Variants in AK4 observed in about 807,000 individuals in gnomAD.
The protein encoded by AK4 is adenylate kinase 4.
AK4 carries 13 observed loss-of-function variants against 24.6 expected under a neutral mutation model. The observed-to-expected ratio is 0.53, with a 90% CI of 0.34 to 0.84. The LOEUF is 0.84. AK4 is among the 40% of genes least tolerant of loss of function. The pLI, the probability that AK4 is intolerant of heterozygous loss-of-function variation, is 0.01. For missense variants in AK4, 192 were observed against 288.2 expected, an observed-to-expected ratio of 0.67 and a Z score of 2.42; for synonymous variants, 88 against 107.0, an observed-to-expected ratio of 0.82 and a Z score of 1.10.
intron 1 of AK4, chr1:65,154,570 AT>A (rs1219917111): frequency 1.9e-6 from 1 of 519,152 alleles, no homozygotes; most frequent in African/African-American, 1.9e-5. Context: ...GCACTGTCTG[AT>A]CCAGAAATGT....
chr1:65,199,718 A>G (rs751485188), intron 2 of AK4, among the ~76,000 whole-genome samples: 3 of 152,208 alleles, frequency 2.0e-5, no homozygotes, highest in South Asian at 2.1e-4. Flanking sequence ...TAGCTTGAGT[A>G]TCTCTTATCC....
rs528215457 is a variant in AK4 at position 65,213,890 on chromosome 1, G to A, written c.266-4864G>A. 2.4e-4 allele frequency among the ~76,000 whole-genome samples: 37 copies of A among 152,244 alleles called. 1 individual carries two copies. The highest frequency in any genetic ancestry group is 7.7e-4 in the African/African-American group (32 of 41,546). ...TGGGCCCCAATCCAATCTGACTGGCGTCCTTATAAGAAAAGGACATTTGGA... is the reference window on the plus strand; with the variant it reads ...TGGGCCCCAATCCAATCTGACTGGCATCCTTATAAGAAAAGGACATTTGGA... On this transcript the variant is annotated intron_variant, in intron 2 of 4. Coordinates refer to ENST00000327299, the MANE Select transcript of AK4 (RefSeq NM_013410.4).
chr1:65,153,444 T>A (rs1199926296), intron 1 of AK4, among the ~76,000 whole-genome samples: 1 of 152,022 alleles, frequency 6.6e-6, no homozygotes, highest in Non-Finnish European at 1.5e-5. Flanking sequence ...TAATTTCGTA[T>A]TTTTTTGGTA....
intron 2 of AK4, among the ~76,000 whole-genome samples, chr1:65,200,803 GT>G (rs397803566): frequency 1.2e-4 from 17 of 146,642 alleles, no homozygotes; most frequent in East Asian, 6.0e-4. Flanking sequence ...GCTGGGTTTT[GT>G]TTTTTTTTTT....
At chr1:65,178,557 A>C (rs1650795212) in intron 1 of AK4, among the ~76,000 whole-genome samples, 1 of 152,192 alleles carries the variant, frequency 6.6e-6, no homozygotes, top group Non-Finnish European at 1.5e-5. Flanking sequence ...TAGATTACAG[A>C]AGGGGGGATT....
At chr1:65,174,543 C>T (rs57580878) in intron 1 of AK4, among the ~76,000 whole-genome samples, 2,486 of 152,188 alleles carry the variant, frequency 0.016, 66 homozygotes, top group African/African-American at 0.057. Context: ...CTGTTGGGAT[C>T]CTTTGCTCCC....
chr1:65,179,691 C>T (rs749911796), intron 1 of AK4, among the ~76,000 whole-genome samples: 2 of 151,972 alleles, frequency 1.3e-5, no homozygotes, highest in Non-Finnish European at 2.9e-5. Context: ...AAAAATTAGC[C>T]AGGCATGGTG....
chr1:65,190,954 T>G (rs552698201), intron 2 of AK4, 125 bp downstream of exon 2: 8 of 1,255,540 alleles, frequency 6.4e-6, no homozygotes, highest in Non-Finnish European at 5.3e-6. Context: ...TTATTTAATA[T>G]TGCAATTTGG....
chr1:65,229,508 T>G lies in AK4; in HGVS notation c.*3331T>G, dbSNP rs1167570341. 1.3e-5 allele frequency: 2 copies of G among 151,960 alleles called. No homozygotes were observed. The highest frequency in any genetic ancestry group is 4.8e-5 in the African/African-American group (2 of 41,446). The allele number at this position is 151,960 out of a possible 1,614,324, so 9.4% of individuals were successfully genotyped here. ...ATGATTGCACCTCTGCACCCAAGCCTGGGCGACACAGCGAGACCCTCTCTC... is the reference window on the plus strand; with the variant it reads ...ATGATTGCACCTCTGCACCCAAGCCGGGGCGACACAGCGAGACCCTCTCTC... On this transcript the variant is annotated 3_prime_UTR_variant, in exon 5 of 5. Coordinates refer to ENST00000327299, the MANE Select transcript of AK4 (RefSeq NM_013410.4).
intron 2 of AK4, among the ~76,000 whole-genome samples, chr1:65,203,362 A>G (rs1166809851): frequency 2.0e-5 from 3 of 152,196 alleles, no homozygotes; most frequent in Admixed American, 1.3e-4. Flanking sequence ...TTTAAGCTCC[A>G]ATAGAAATAC....
chr1:65,188,202 C>A (rs1436163735), intron 1 of AK4, among the ~76,000 whole-genome samples: 1 of 152,062 alleles, frequency 6.6e-6, no homozygotes, highest in Non-Finnish European at 1.5e-5. Context: ...GGTGACCAGC[C>A]TGGCCAACAT....
At chr1:65,197,240 T>G (rs1651500858) in intron 2 of AK4, among the ~76,000 whole-genome samples, 1 of 152,144 alleles carries the variant, frequency 6.6e-6, no homozygotes, top group Non-Finnish European at 1.5e-5. Flanking sequence ...CTTGCCTGCT[T>G]ACTTGTGCCT....
intron 1 of AK4, among the ~76,000 whole-genome samples, chr1:65,177,951 A>AC (rs35613187): frequency 1.3e-5 from 2 of 151,730 alleles, no homozygotes; most frequent in Admixed American, 1.3e-4. Flanking sequence ...AAAAAAAAAA[A>AC]CATTGCTGCA....
intron 1 of AK4, among the ~76,000 whole-genome samples, chr1:65,158,197 C>T (rs557369876): frequency 2.8e-4 from 43 of 152,238 alleles, no homozygotes; most frequent in Non-Finnish European, 5.6e-4. Context: ...ATTTAAACTT[C>T]GGCTTTTAAC....
chr1:65,179,827 C>T (rs1481216437), intron 1 of AK4, among the ~76,000 whole-genome samples: 1 of 151,984 alleles, frequency 6.6e-6, no homozygotes, highest in East Asian at 1.9e-4. Flanking sequence ...AAAGTGAGAC[C>T]CTGTCTCCAA....
chr1:65,224,312 A>G (rs537807211), intron 3 of AK4, among the ~76,000 whole-genome samples: 30 of 152,296 alleles, frequency 2.0e-4, no homozygotes, highest in African/African-American at 6.7e-4. Context: ...GTATTCTCCT[A>G]GATTAGTATT....
chr1:65,201,812 C>T (rs976319018), intron 2 of AK4, among the ~76,000 whole-genome samples: 1 of 152,076 alleles, frequency 6.6e-6, no homozygotes, highest in Non-Finnish European at 1.5e-5. Context: ...GGGAATGAAG[C>T]ACATTTTAGA....
At chr1:65,150,791 G>A (rs907696271) in intron 1 of AK4, among the ~76,000 whole-genome samples, 5 of 152,190 alleles carry the variant, frequency 3.3e-5, no homozygotes, top group Middle Eastern at 3.4e-3. Flanking sequence ...AGTAGCTCCG[G>A]CCATCTGCTC....
intron 2 of AK4, among the ~76,000 whole-genome samples, chr1:65,204,351 C>T (rs1392166301): frequency 1.3e-5 from 2 of 152,038 alleles, no homozygotes; most frequent in Admixed American, 1.3e-4. Flanking sequence ...AGGCACGCAC[C>T]ACCGTGACTG....
Sources: gnomAD v4.1 joint callset for allele counts (sites outside exome capture counted in the v4.1 genomes callset) on GRCh38, gnomAD v4.1.1 for gene constraint, MANE v1.5 for transcripts, NCBI Gene and HGNC (gene_info 2026-07-23, HGNC 2026-07-21) for gene names.